The following CNGB3 variants were observed in gnomAD, a reference collection of about 807,000 sequenced individuals.
CNGB3 encodes the protein cyclic nucleotide gated channel subunit beta 3, also known as cyclic nucleotide-gated channel beta-3.
In CNGB3, 86 loss-of-function variants were observed where a neutral mutation model predicts 92.8. The ratio of observed to expected loss-of-function variants is 0.93; its 90% confidence interval spans 0.78 to 1.11. The LOEUF is 1.11. CNGB3 is among the 50% of genes least tolerant of loss of function. CNGB3 has a pLI of 0.00. For missense variants in CNGB3, 1,026 were observed against 956.8 expected, an observed-to-expected ratio of 1.07 and a Z score of -0.95; for synonymous variants, 333 against 332.7, an observed-to-expected ratio of 1.00 and a Z score of -0.01.
chr8:86,738,977 A>G (rs1825292931), intron 2 of CNGB3, among the ~76,000 whole-genome samples: 1 of 152,220 alleles, frequency 6.6e-6, no homozygotes, highest in South Asian at 2.1e-4. Context: ...TGAAAGAATG[A>G]TAGTACCAGG....
At chr8:86,668,853 C>A (rs1373649575) in intron 4 of CNGB3, among the ~76,000 whole-genome samples, 1 of 151,972 alleles carries the variant, frequency 6.6e-6, no homozygotes, top group East Asian at 1.9e-4. Context: ...TGCAACAAGA[C>A]TATTCATGTG....
intron 15 of CNGB3, among the ~76,000 whole-genome samples, chr8:86,590,932 T>C (rs1338901215): frequency 4.6e-5 from 7 of 151,094 alleles, no homozygotes; most frequent in East Asian, 1.9e-4. Flanking sequence ...TCCTGCAGAG[T>C]GTTTTCCAAC....
chr8:86,585,460 G>A (rs1251141673), intron 15 of CNGB3, among the ~76,000 whole-genome samples: 1 of 152,088 alleles, frequency 6.6e-6, no homozygotes, highest in Non-Finnish European at 1.5e-5. Context: ...GGAGCCCTCT[G>A]GAGTTGTGCA....
chr8:86,735,037 C>T (rs571138326), intron 2 of CNGB3, among the ~76,000 whole-genome samples: 43 of 98,986 alleles, frequency 4.3e-4, no homozygotes, highest in Admixed American at 2.4e-3. Context: ...TCTCAAATGC[C>T]GGTGGTTTTT....
intron 13 of CNGB3, among the ~76,000 whole-genome samples, chr8:86,616,277 G>C (rs1822620882): frequency 6.6e-6 from 1 of 152,072 alleles, no homozygotes; most frequent in Admixed American, 6.6e-5. Flanking sequence ...TAGAATTTAA[G>C]TTTCACCAAT....
At chr8:86,658,205 C>G (rs959312729) in intron 6 of CNGB3, 1 of 559,394 alleles carries the variant, frequency 1.8e-6, no homozygotes, top group African/African-American at 1.9e-5. Flanking sequence ...GACAGCTCAC[C>G]CTTTGCTCCT....
At chr8:86,682,759 G>A (rs981467247) in intron 3 of CNGB3, among the ~76,000 whole-genome samples, 1 of 152,172 alleles carries the variant, frequency 6.6e-6, no homozygotes, top group African/African-American at 2.4e-5. Context: ...TCGCATGTGA[G>A]GCTTAGAGAA....
At chr8:86,687,510 G>A (rs1384706855) in intron 3 of CNGB3, among the ~76,000 whole-genome samples, 2 of 151,996 alleles carry the variant, frequency 1.3e-5, no homozygotes, top group African/African-American at 4.8e-5. Flanking sequence ...AAATGCAAAT[G>A]TTGAATACCA....
At chr8:86,661,859 T>C (rs1427447695) in intron 6 of CNGB3, 1 of 1,242,040 alleles carries the variant, frequency 8.1e-7, no homozygotes, top group Non-Finnish European at 1.2e-6. Context: ...CCAGAACTGA[T>C]GTCAGATTTG....
chr8:86,597,977 CAAAT>C (rs1234238318), intron 15 of CNGB3, among the ~76,000 whole-genome samples: 1 of 146,194 alleles, frequency 6.8e-6, no homozygotes, highest in African/African-American at 2.7e-5. Flanking sequence ...GACTTCATCT[CAAAT>C]AAATAAAATA....
intron 3 of CNGB3, among the ~76,000 whole-genome samples, chr8:86,679,571 G>A (rs1427510538): frequency 1.3e-5 from 2 of 151,556 alleles, no homozygotes; most frequent in African/African-American, 4.9e-5. Context: ...TGTCACCCAG[G>A]CTGGAGTGCA....
intron 3 of CNGB3, among the ~76,000 whole-genome samples, chr8:86,695,375 C>A (rs541097949): frequency 6.7e-6 from 1 of 149,680 alleles, no homozygotes; most frequent in South Asian, 2.1e-4. Flanking sequence ...TTATTTTTTT[C>A]TTTGTCAGAT....
In CNGB3 at chr8:86,671,052, C is replaced by G; in HGVS notation, c.385G>C (p.Asp129His). 1 of 1,613,800 alleles carries G rather than the reference C, an allele frequency of 6.2e-7. No homozygotes were observed. Among genetic ancestry groups the G allele is most frequent in the Non-Finnish European group, 8.5e-7 (1 of 1,179,992 alleles). Residue 129 changes from aspartate to histidine, a missense_variant, in exon 4 of 18, where the codon GAT becomes CAT. Transcript: ENST00000320005. ...PAAPVINEYA[D>H]AQLHNLVKRM... ...TTCACCAGGTTGTGTAGCTGGGCATCGGCATACTCATTTATAACAGGAGCT... is the reference window on the plus strand; with the variant it reads ...TTCACCAGGTTGTGTAGCTGGGCATGGGCATACTCATTTATAACAGGAGCT...
intron 3 of CNGB3, among the ~76,000 whole-genome samples, chr8:86,690,268 G>A (rs1164238188): frequency 7.2e-5 from 11 of 152,338 alleles, no homozygotes; most frequent in African/African-American, 1.7e-4. Flanking sequence ...ACTGGTGTGA[G>A]ATGGTATCTC....
intron 15 of CNGB3, among the ~76,000 whole-genome samples, chr8:86,591,447 T>C (rs1199223120): frequency 2.6e-5 from 4 of 151,458 alleles, no homozygotes; most frequent in Non-Finnish European, 1.5e-5. Flanking sequence ...TTTTCTGTTC[T>C]GTTTTTTCCC....
chr8:86,660,445 T>A (rs1471062344), intron 6 of CNGB3: 4 of 501,758 alleles, frequency 8.0e-6, no homozygotes, highest in Non-Finnish European at 1.6e-5. Context: ...GTGGTCTCAA[T>A]GCTCCAAGCC....
intron 15 of CNGB3, among the ~76,000 whole-genome samples, chr8:86,581,596 G>A (rs893997905): frequency 6.6e-6 from 1 of 152,174 alleles, no homozygotes; most frequent in African/African-American, 2.4e-5. Context: ...TTTTCCCAAT[G>A]CAGCCCCTTT....
chr8:86,708,035 GC>G (rs1157752822), intron 3 of CNGB3: 6 of 152,186 alleles, frequency 3.9e-5, no homozygotes, highest in African/African-American at 1.4e-4. Context: ...CATGCATTTT[GC>G]CATATCTGAT....
chr8:86,625,204 G>A lies in CNGB3; in HGVS notation c.1578+779C>T, dbSNP rs143778631. Among the ~76,000 whole-genome samples the A allele has an allele frequency of 7.4e-4, 113 of 152,082 alleles. 2 individuals carry two copies. In the East Asian group the frequency reaches 0.02, roughly 27 times the overall value. On this transcript the variant is annotated intron_variant, in intron 13 of 17. Coordinates refer to ENST00000320005, the MANE Select transcript of CNGB3 (RefSeq NM_019098.5). ...CAACCTGCTTAACTTTGTTCATGGCGTTATCACCTCCACACATTTTATGCG... is the reference window on the plus strand; with the variant it reads ...CAACCTGCTTAACTTTGTTCATGGCATTATCACCTCCACACATTTTATGCG...
Sources: gnomAD v4.1 joint callset for allele counts (sites outside exome capture counted in the v4.1 genomes callset) on GRCh38, gnomAD v4.1.1 for gene constraint, MANE v1.5 for transcripts, NCBI Gene and HGNC (gene_info 2026-07-23, HGNC 2026-07-21) for gene names.